The following HECW2 variants were observed in gnomAD, a reference collection of about 807,000 sequenced individuals.
HECW2 encodes HECT, C2 and WW domain containing E3 ubiquitin protein ligase 2, also known as E3 ubiquitin-protein ligase HECW2.
A neutral mutation model predicts 175.2 loss-of-function variants in HECW2; 61 were observed. The ratio of observed to expected loss-of-function variants is 0.35; its 90% CI spans 0.28 to 0.43. The LOEUF (loss-of-function observed/expected upper bound fraction) is 0.43, where lower values mean the gene tolerates loss of function less well. Among genes scored for constraint, HECW2 ranks in the 20% least tolerant of loss-of-function variants. The pLI, the probability that HECW2 is intolerant of heterozygous loss-of-function variation, is 1.00. For missense variants in HECW2, 1,524 were observed against 2,000.5 expected, an observed-to-expected ratio of 0.76 and a Z score of 4.54; for synonymous variants, 671 against 731.0, an observed-to-expected ratio of 0.92 and a Z score of 1.32.
At chr2:196,583,223 G>A (rs1263035660) in intron 1 of HECW2, among the ~76,000 whole-genome samples, 2 of 152,052 alleles carry the variant, frequency 1.3e-5, no homozygotes. Flanking sequence ...ACTACCCCAG[G>A]GAACTCCTGC....
At chr2:196,372,280 C>T (rs911814298) in intron 2 of HECW2, among the ~76,000 whole-genome samples, 1 of 152,172 alleles carries the variant, frequency 6.6e-6, no homozygotes, top group African/African-American at 2.4e-5. Context: ...ACATGGGACA[C>T]GGATCTCATT....
intron 14 of HECW2, among the ~76,000 whole-genome samples, chr2:196,283,824 G>T (rs892986551): frequency 1.3e-5 from 2 of 152,182 alleles, no homozygotes; most frequent in African/African-American, 4.8e-5. Context: ...ACCATTATAT[G>T]TAGGGATTTT....
intron 1 of HECW2, among the ~76,000 whole-genome samples, chr2:196,488,060 T>C (rs1028943146): frequency 6.6e-5 from 10 of 152,220 alleles, no homozygotes; most frequent in African/African-American, 2.4e-4. Flanking sequence ...CTTTTTAAAA[T>C]GAGAATCTGT....
chr2:196,433,881 G>A (rs929479208), intron 1 of HECW2, among the ~76,000 whole-genome samples: 9 of 152,156 alleles, frequency 5.9e-5, no homozygotes, highest in African/African-American at 4.8e-5. Flanking sequence ...TACAGTTGAA[G>A]TACACCATTA....
intron 18 of HECW2, among the ~76,000 whole-genome samples, chr2:196,255,147 A>ATTTTTTT (rs768416431): frequency 1.0e-4 from 10 of 95,426 alleles, no homozygotes; most frequent in Non-Finnish European, 1.1e-4. Flanking sequence ...TAATTTTTCT[A>ATTTTTTT]TTTTTTTTTT....
chr2:196,335,010 T>A (rs186340628), intron 3 of HECW2, among the ~76,000 whole-genome samples: 2 of 152,332 alleles, frequency 1.3e-5, no homozygotes, highest in Admixed American at 6.5e-5. Flanking sequence ...TCTATCTACA[T>A]TGACTGTAGC....
intron 1 of HECW2, among the ~76,000 whole-genome samples, chr2:196,585,139 C>A (rs2125533534): frequency 6.6e-6 from 1 of 152,264 alleles, no homozygotes; most frequent in Admixed American, 6.5e-5. Context: ...ACCATACATA[C>A]CAACGCCCAG....
At chr2:196,324,692 A>AT (rs1692079120) in intron 6 of HECW2, among the ~76,000 whole-genome samples, 1 of 152,022 alleles carries the variant, frequency 6.6e-6, no homozygotes, top group South Asian at 2.1e-4. Context: ...TTCATTATGA[A>AT]TTTTTTGCAT....
intron 2 of HECW2, among the ~76,000 whole-genome samples, chr2:196,415,327 G>C (rs1695225245): frequency 1.3e-5 from 2 of 152,150 alleles, no homozygotes; most frequent in South Asian, 4.1e-4. Flanking sequence ...TTGAAAAAAT[G>C]GCATTTCTAC....
chr2:196,238,252 A>G (rs1294921085), intron 21 of HECW2, among the ~76,000 whole-genome samples: 1 of 152,052 alleles, frequency 6.6e-6, no homozygotes, highest in African/African-American at 2.4e-5. Context: ...AAACAAAACA[A>G]AAAAACAGAA....
intron 1 of HECW2, among the ~76,000 whole-genome samples, chr2:196,499,592 A>G (rs1226821585): frequency 6.6e-6 from 1 of 152,210 alleles, no homozygotes. Flanking sequence ...AGATAGCTCC[A>G]GACACATTTT....
At chr2:196,425,122 A>C (rs943673508) in intron 2 of HECW2, among the ~76,000 whole-genome samples, 12 of 152,104 alleles carry the variant, frequency 7.9e-5, no homozygotes, top group Non-Finnish European at 1.3e-4. Flanking sequence ...GAAATGGAAC[A>C]ACAAAGCCAA....
intron 19 of HECW2, among the ~76,000 whole-genome samples, chr2:196,248,047 C>T (rs904200812): frequency 2.6e-5 from 4 of 152,198 alleles, no homozygotes; most frequent in Admixed American, 6.5e-5. Context: ...CATAGCTCAA[C>T]GCTGGAACTT....
chr2:196,206,976 G>A (rs1303763250), intron 28 of HECW2, among the ~76,000 whole-genome samples: 1 of 152,172 alleles, frequency 6.6e-6, no homozygotes, highest in African/African-American at 2.4e-5. Flanking sequence ...AGATTTGTAG[G>A]TGTGCAGGTT....
At chr2:196,410,891 G>A (rs540343114) in intron 2 of HECW2, among the ~76,000 whole-genome samples, 1 of 152,194 alleles carries the variant, frequency 6.6e-6, no homozygotes, top group South Asian at 2.1e-4. Context: ...TAACAACATA[G>A]CATACAGACA....
intron 2 of HECW2, among the ~76,000 whole-genome samples, chr2:196,382,580 C>T (rs1330852079): frequency 6.6e-6 from 1 of 151,814 alleles, no homozygotes; most frequent in Non-Finnish European, 1.5e-5. Flanking sequence ...AAGTAAACCC[C>T]AGAAAGAATT....
chr2:196,238,632 A>T (rs572170465), intron 21 of HECW2: 1 of 152,340 alleles, frequency 6.6e-6, no homozygotes, highest in South Asian at 2.1e-4. Flanking sequence ...AACCATATGC[A>T]GAGTGAACAG....
At chr2:196,429,383 G>T (rs528800684) in intron 2 of HECW2, among the ~76,000 whole-genome samples, 1 of 152,290 alleles carries the variant, frequency 6.6e-6, no homozygotes, top group Non-Finnish European at 1.5e-5. Context: ...TCCTGCTAGG[G>T]ATAGAAATCT....
rs139763967 is a variant in HECW2 at position 196,531,066 on chromosome 2, A to C, written c.-36+62442T>G. 5.9e-5 allele frequency among the ~76,000 whole-genome samples: 9 copies of C among 152,304 alleles called. 1 individual carries two copies. The East Asian group carries it at 1.7e-3, about 29-fold the overall frequency. ...TTCCATTTCCCTTGATATGTATTCT[A>C]ATAGCAGACTTCTCTCTGACTTTCA... On this transcript the variant is annotated intron_variant, in intron 1 of 28. Transcript: ENST00000644978.
Sources: gnomAD v4.1 joint callset for allele counts (sites outside exome capture counted in the v4.1 genomes callset) on GRCh38, gnomAD v4.1.1 for gene constraint, MANE v1.5 for transcripts, NCBI Gene and HGNC (gene_info 2026-07-23, HGNC 2026-07-21) for gene names.